Variants in TNN observed in about 807,000 individuals in gnomAD.
TNN encodes tenascin-N.
A neutral mutation model predicts 134.4 loss-of-function variants in TNN; 122 were observed. The ratio of observed to expected loss-of-function variants is 0.91; its 90% CI spans 0.78 to 1.06. The LOEUF (loss-of-function observed/expected upper bound fraction) is 1.06, where lower values mean the gene tolerates loss of function less well. TNN is among the 50% of genes least tolerant of loss of function. The pLI is 0.00. For missense variants in TNN, 1,739 were observed against 1,699.4 expected (o/e 1.02, Z -0.41); for synonymous variants, 710 against 670.3 (o/e 1.06, Z -0.91).
chr1:175,125,663 TTCTCTCC>T lies in TNN; in HGVS notation c.2915-1291_2915-1285del, dbSNP rs1558369206. 1.2e-3 allele frequency among the ~76,000 whole-genome samples: 137 copies of T among 110,534 alleles called. 1 individual carries two copies. In the East Asian group the frequency reaches 0.028, roughly 22 times the overall value. 72.5% of individuals were successfully genotyped at this position (110,534 alleles called of 152,430 possible). A position where few individuals can be genotyped will look rare whatever the true frequency, so the allele number is the denominator to read the frequency against. On this transcript the variant is annotated intron_variant, in intron 12 of 18. Coordinates refer to ENST00000239462, the MANE Select transcript of TNN (RefSeq NM_022093.2). ...TTTCTCTCTCTCCTTCCTTCCTTCC[TTCTCTCC>T]CTCCCTCCCTCCTTTCTTTCTCTCT...
At chr1:175,094,469 T>A (rs1454665833) in intron 7 of TNN, among the ~76,000 whole-genome samples, 1 of 152,248 alleles carries the variant, frequency 6.6e-6, no homozygotes, top group African/African-American at 2.4e-5. Flanking sequence ...CAGAAGGTCA[T>A]ACTTATTTGA....
intron 4 of TNN, 142 bp from the exon 5 acceptor site, chr1:175,083,608 T>C (rs1253344967): frequency 2.9e-6 from 2 of 690,824 alleles, no homozygotes; most frequent in Non-Finnish European, 4.7e-6. Flanking sequence ...CAAAGACACC[T>C]GCTAAGAACT....
chr1:175,068,670 G>C (rs1453317132), intron 1 of TNN, among the ~76,000 whole-genome samples: 2 of 152,214 alleles, frequency 1.3e-5, no homozygotes, highest in East Asian at 3.9e-4. Context: ...ACTTTGAGAG[G>C]CTGAGGCAGG....
In TNN at chr1:175,124,045, C is replaced by T. The variant is rs1675450105; in HGVS notation, c.2914+382C>T. Among the ~76,000 whole-genome samples the T allele has an allele frequency of 5.9e-5, 9 of 152,214 alleles. No individual in the cohort carries two copies. In the South Asian group the frequency reaches 6.2e-4, roughly 11 times the overall value. The stretch of plus-strand genomic sequence containing the variant: ...GGGGATGCATCTTTCTCCATTCCAT[C>T]CTCAGTTGATGATGAAAGGTGCCTG... On this transcript the variant is annotated intron_variant, in intron 12 of 18. Transcript: ENST00000239462.
At chr1:175,137,865 A>C (rs184988447) in intron 17 of TNN, among the ~76,000 whole-genome samples, 159 of 152,364 alleles carry the variant, frequency 1.0e-3, no homozygotes, top group African/African-American at 3.7e-3. Context: ...TTAGACTTAA[A>C]TGTAAATAGG....
intron 7 of TNN, among the ~76,000 whole-genome samples, chr1:175,096,068 G>C (rs948585546): frequency 6.6e-6 from 1 of 152,238 alleles, no homozygotes; most frequent in Admixed American, 6.5e-5. Flanking sequence ...TCTGGGTAGA[G>C]AAGACAAGTT....
chr1:175,108,564 G>A (rs907735854), intron 9 of TNN, among the ~76,000 whole-genome samples: 4 of 152,258 alleles, frequency 2.6e-5, no homozygotes, highest in African/African-American at 9.6e-5. Context: ...GCAGGGGAAG[G>A]CTTAGGCATG....
intron 17 of TNN, among the ~76,000 whole-genome samples, chr1:175,137,825 C>T (rs560158742): frequency 1.2e-4 from 18 of 152,210 alleles, no homozygotes; most frequent in African/African-American, 3.6e-4. Flanking sequence ...CCAGACTGAC[C>T]GACTGTATAA....
intron 9 of TNN, among the ~76,000 whole-genome samples, chr1:175,112,799 T>A (rs1010877102): frequency 6.6e-6 from 1 of 151,530 alleles, no homozygotes; most frequent in African/African-American, 2.4e-5. Context: ...TTTTTGTATT[T>A]TTAGTAGAGA....
At chr1:175,130,422 A>G (rs539660045) in intron 15 of TNN, among the ~76,000 whole-genome samples, 1 of 152,214 alleles carries the variant, frequency 6.6e-6, no homozygotes, top group Non-Finnish European at 1.5e-5. Flanking sequence ...AGAATGTAAC[A>G]TGGGAGGTCT....
intron 6 of TNN, among the ~76,000 whole-genome samples, chr1:175,091,207 C>A (rs958487726): frequency 6.6e-6 from 1 of 152,236 alleles, no homozygotes; most frequent in Non-Finnish European, 1.5e-5. Flanking sequence ...TCAAGGAGAG[C>A]AAGCTCTGTG....
At chr1:175,133,663 C>T (rs1287187462) in intron 15 of TNN, among the ~76,000 whole-genome samples, 1 of 152,160 alleles carries the variant, frequency 6.6e-6, no homozygotes, top group Non-Finnish European at 1.5e-5. Flanking sequence ...TTTCAGTTCC[C>T]ATTTTCTTCC....
chr1:175,112,596 ATCTTTTTTTTTTTTTTT>A (rs1675058547), intron 9 of TNN, among the ~76,000 whole-genome samples: 1 of 8,066 alleles, frequency 1.2e-4, no homozygotes, highest in Non-Finnish European at 3.5e-4. Flanking sequence ...CAGCCGGCCG[ATCTTTTTTTTTTTTTTT>A]TTTTTTTTTT....
intron 7 of TNN, among the ~76,000 whole-genome samples, chr1:175,095,488 G>T (rs1674549245): frequency 6.6e-6 from 1 of 152,164 alleles, no homozygotes; most frequent in Admixed American, 6.5e-5. Context: ...GCCCCTCCTG[G>T]TTTACATTAC....
chr1:175,120,948 G>C, intron 11 of TNN, among the ~76,000 whole-genome samples: 1 of 152,198 alleles, frequency 6.6e-6, no homozygotes, highest in South Asian at 2.1e-4. Context: ...CCATAGGCAC[G>C]TGCCACTAAA....
chr1:175,141,220 T>C (rs1018739596), intron 17 of TNN, among the ~76,000 whole-genome samples: 2 of 152,232 alleles, frequency 1.3e-5, no homozygotes, highest in Non-Finnish European at 2.9e-5. Context: ...GGAGGCTATC[T>C]TATGAGCTCC....
In TNN at chr1:175,079,523, G is replaced by T. The variant is rs763252970; in HGVS notation, c.600G>T (p.Pro200=). ...ACGTGGGTGCCGACTGCGGCTACCC[G>T]GCCTGCCCTGAGAACTGCAGCGGAC... ...EPYVGADCGY[P]ACPENCSGHG... The change falls in exon 3 of 19, where the codon CCG becomes CCT. Residue 200 remains proline, a synonymous_variant. Coordinates refer to ENST00000239462, the MANE Select transcript of TNN (RefSeq NM_022093.2). 1.1e-5 allele frequency: 17 copies of T among 1,563,350 alleles called. No individual in the cohort carries two copies. The highest frequency in any genetic ancestry group is 1.5e-5 in the Non-Finnish European group (17 of 1,155,304).
chr1:175,083,892 T>C lies in TNN; in HGVS notation c.1191T>C (p.Thr397=), dbSNP rs1674259799. The part of the protein sequence containing the change: ...PMTGQEVAEV[T]VPKSSDPKSR... ...CAGGACAGGAGGTAGCTGAGGTCAC[T>C]GTGCCCAAGAGCAGTGACCCCAAGA... Residue 397 remains threonine (T), a synonymous_variant, in exon 5 of 19, where the codon ACT becomes ACC. Transcript: ENST00000239462. 6.2e-7 allele frequency: 1 copy of C among 1,614,032 alleles called. No individual in the cohort carries two copies. The highest frequency in any genetic ancestry group is 1.3e-5 in the African/African-American group (1 of 74,922).
In TNN at chr1:175,079,691, C is replaced by G; in HGVS notation, c.768C>G (p.Gly256=). The change falls in exon 3 of 19, where the codon GGC becomes GGG. Residue 256 remains glycine, a synonymous_variant. Coordinates refer to ENST00000239462, the MANE Select transcript of TNN (RefSeq NM_022093.2). Reference sequence around the variant, plus strand: ...GCTACTGCGAGGAGGGCTTCACAGGCCTGGACTGTGCCCAGGGTGAGAGCG... The same window carrying G: ...GCTACTGCGAGGAGGGCTTCACAGGGCTGGACTGTGCCCAGGGTGAGAGCG... ...GECYCEEGFT[G]LDCAQVVTPQ... 6.3e-7 allele frequency: 1 copy of G among 1,599,716 alleles called. No homozygotes were observed. Among genetic ancestry groups the G allele is most frequent in the Admixed American group, 1.7e-5 (1 of 59,420 alleles).
Sources: allele counts gnomAD v4.1 joint callset (sites outside exome capture counted in the v4.1 genomes callset), GRCh38; gene constraint gnomAD v4.1.1; transcripts MANE v1.5; gene names NCBI Gene and HGNC (gene_info 2026-07-23, HGNC 2026-07-21).